Variants in IGF1R observed in about 807,000 individuals in gnomAD.
The protein encoded by IGF1R is insulin like growth factor 1 receptor, also known as insulin-like growth factor 1 receptor.
In IGF1R, 44 loss-of-function variants were observed where a neutral mutation model predicts 144.6. That is an observed-to-expected ratio of 0.30 (90% CI 0.24 to 0.39). IGF1R has a LOEUF of 0.39. Among genes scored for constraint, IGF1R ranks in the 10% least tolerant of loss-of-function variants. IGF1R has a pLI of 1.00. For missense variants in IGF1R, 1,355 were observed against 1,833.7 expected (o/e 0.74, Z 4.77); for synonymous variants, 795 against 722.8 (o/e 1.10, Z -1.60).
At position 98,960,196 on chromosome 15, in the gene IGF1R, A is replaced by C; in HGVS notation, c.*2754A>C. ...CGCCACACCCAGGTGATGCAGGGGG[A>C]AGCCAGGCTGTATTCCGGGGTCAAA... On this transcript the variant is annotated 3_prime_UTR_variant, in exon 21 of 21. Transcript: ENST00000650285. 1 of 233,552 alleles carries C rather than the reference A, an allele frequency of 4.3e-6. No homozygotes were observed. Among genetic ancestry groups the C allele is most frequent in the Non-Finnish European group, 8.5e-6 (1 of 118,026 alleles). 14.5% of individuals were successfully genotyped at this position (233,552 alleles called of 1,614,324 possible).
chr15:98,922,059 T>C (rs2015511554), intron 10 of IGF1R, 89 bp from the exon 11 acceptor site: 3 of 1,446,042 alleles, frequency 2.1e-6, no homozygotes, highest in Non-Finnish European at 2.9e-6. Context: ...TATTCCACGG[T>C]TAAGATTCTT....
At position 98,957,765 on chromosome 15, in the gene IGF1R, CCCTTTCTCT is replaced by C; in HGVS notation, c.*325_*333del. On this transcript the variant is annotated 3_prime_UTR_variant, in exon 21 of 21. Transcript: ENST00000650285. ...CTCTGTCCCTGTCCTTCCCTGTTCT[CCCTTTCTCT>C]CTCCTCTCTGCTTCATAACGGAAAA... 2.4e-6 allele frequency: 1 copy of C among 421,598 alleles called. No individual in the cohort carries two copies. The highest frequency in any genetic ancestry group is 4.1e-5 in the Admixed American group (1 of 24,684). The allele number at this position is 421,598 out of a possible 1,614,324, so 26.1% of individuals were successfully genotyped here. A position where few individuals can be genotyped will look rare whatever the true frequency, so the allele number is the denominator to read the frequency against.
intron 11 of IGF1R, among the ~76,000 whole-genome samples, chr15:98,922,780 T>A (rs958778175): frequency 6.6e-6 from 1 of 152,214 alleles, no homozygotes; most frequent in Non-Finnish European, 1.5e-5. Flanking sequence ...TCCTGAGCTC[T>A]CACATGTCCA....
Position 98,889,087 on chromosome 15 carries a change from C to T in IGF1R, c.641-2238C>T, listed in dbSNP as rs529320942. Among the ~76,000 whole-genome samples, 3 of 152,308 alleles carry T rather than the reference C, an allele frequency of 2.0e-5. No individual in the cohort carries two copies. In the South Asian group the frequency reaches 6.2e-4, roughly 32 times the overall value. ...CAGAACTTAAGTCATATGGCCACCT[C>T]TAGCTACAAGGAAGGCTGGGAGATG... is the stretch of plus-strand genomic sequence containing the variant. On this transcript the variant is annotated intron_variant, in intron 2 of 20. Coordinates refer to ENST00000650285, the MANE Select transcript of IGF1R (RefSeq NM_000875.5).
intron 2 of IGF1R, among the ~76,000 whole-genome samples, chr15:98,763,071 A>G (rs1463590324): frequency 2.0e-5 from 3 of 151,948 alleles, no homozygotes; most frequent in Non-Finnish European, 4.4e-5. Flanking sequence ...AAATTCCTCC[A>G]CAACATATAT....
intron 2 of IGF1R, among the ~76,000 whole-genome samples, chr15:98,887,802 C>G (rs557307036): frequency 1.6e-3 from 247 of 152,290 alleles, no homozygotes; most frequent in African/African-American, 5.2e-3. Flanking sequence ...CAGCCTGGTC[C>G]CTCTCTTCTT....
intron 1 of IGF1R, among the ~76,000 whole-genome samples, chr15:98,658,496 A>G (rs2141172472): frequency 6.6e-6 from 1 of 152,354 alleles, no homozygotes; most frequent in African/African-American, 2.4e-5. Context: ...AGTCAGAAAA[A>G]TTGTGAGGAA....
chr15:98,651,153 G>T (rs1011139661), intron 1 of IGF1R: 78 of 756,816 alleles, frequency 1.0e-4, no homozygotes, highest in Non-Finnish European at 1.2e-4. Context: ...GAGCCTTCAC[G>T]AGTGAGGCGG....
chr15:98,747,811 T>C (rs2054906819), intron 2 of IGF1R, among the ~76,000 whole-genome samples: 1 of 152,214 alleles, frequency 6.6e-6, no homozygotes, highest in Non-Finnish European at 1.5e-5. Context: ...TTGGTTTGAA[T>C]GTATTATAAT....
intron 2 of IGF1R, among the ~76,000 whole-genome samples, chr15:98,756,394 T>G (rs1284596533): frequency 1.3e-5 from 2 of 152,104 alleles, no homozygotes; most frequent in Non-Finnish European, 2.9e-5. Flanking sequence ...TTAAGCCTTT[T>G]CTCTGGATTT....
Position 98,961,202 on chromosome 15 carries a change from G to C in IGF1R, c.*3760G>C. Reference sequence around the variant, plus strand: ...CTTCCACACTGTAGGTGACCCCTTGGAATAACGGCCTCTCCTCTCGTGCAC... The same window carrying C: ...CTTCCACACTGTAGGTGACCCCTTGCAATAACGGCCTCTCCTCTCGTGCAC... On this transcript the variant is annotated 3_prime_UTR_variant, in exon 21 of 21. Coordinates refer to ENST00000650285, the MANE Select transcript of IGF1R (RefSeq NM_000875.5). The C allele has an allele frequency of 4.3e-6, 1 of 233,676 alleles. No individual in the cohort carries two copies. The highest frequency in any genetic ancestry group is 6.0e-5 in the East Asian group (1 of 16,576). The allele number at this position is 233,676 out of a possible 1,614,324, so 14.5% of individuals were successfully genotyped here. A position where few individuals can be genotyped will look rare whatever the true frequency, so the allele number is the denominator to read the frequency against.
chr15:98,789,752 ACT>A (rs2056087150), intron 2 of IGF1R, among the ~76,000 whole-genome samples: 1 of 152,038 alleles, frequency 6.6e-6, no homozygotes, highest in South Asian at 2.1e-4. Context: ...GTGTTCTTAA[ACT>A]CTGTGACAGT....
intron 2 of IGF1R, among the ~76,000 whole-genome samples, chr15:98,826,721 GT>G (rs1381714685): frequency 6.6e-6 from 1 of 152,172 alleles, no homozygotes. Context: ...ATATGTAAAT[GT>G]TTTAGGGAGC....
intron 2 of IGF1R, among the ~76,000 whole-genome samples, chr15:98,869,260 T>C (rs2012638388): frequency 6.6e-6 from 1 of 151,676 alleles, no homozygotes; most frequent in African/African-American, 2.4e-5. Context: ...TGTTGTCTAA[T>C]TCCAAAGAGA....
chr15:98,758,428 G>A (rs374828124), intron 2 of IGF1R, among the ~76,000 whole-genome samples: 8 of 152,074 alleles, frequency 5.3e-5, no homozygotes, highest in Non-Finnish European at 1.0e-4. Context: ...GCCCTCAGCC[G>A]TCACACAAGT....
intron 3 of IGF1R, chr15:98,893,615 C>A (rs2014036074): frequency 2.0e-5 from 3 of 152,190 alleles, no homozygotes. Context: ...GTAGCTTGTC[C>A]ATGAACTCAG....
Position 98,891,199 on chromosome 15 carries a change from G to A in IGF1R, c.641-126G>A. 1.2e-6 allele frequency: 1 copy of A among 851,984 alleles called. No individual in the cohort carries two copies. Among genetic ancestry groups the A allele is most frequent in the Non-Finnish European group, 1.9e-6 (1 of 523,528 alleles). 52.8% of individuals were successfully genotyped at this position (851,984 alleles called of 1,614,324 possible). A position where few individuals can be genotyped will look rare whatever the true frequency, so the allele number is the denominator to read the frequency against. The stretch of plus-strand genomic sequence containing the variant: ...GGATTTCGTAGTGTGTTTTTGCATT[G>A]TCTCCTCAATGAGTGATCTGGTGCT... On this transcript the variant is annotated intron_variant, in intron 2 of 20. Coordinates refer to ENST00000650285, the MANE Select transcript of IGF1R (RefSeq NM_000875.5). This position sits in a 1 kb window ranked among gnomAD's most constrained non-coding sequence, Gnocchi z 4.7.
At chr15:98,672,569 C>CAAAA (rs60559912) in intron 1 of IGF1R, among the ~76,000 whole-genome samples, 9 of 61,660 alleles carry the variant, frequency 1.5e-4, no homozygotes, top group African/African-American at 2.7e-4. Flanking sequence ...GACTCCATCT[C>CAAAA]AAAAAAAAAA....
At chr15:98,752,256 C>T (rs976475885) in intron 2 of IGF1R, among the ~76,000 whole-genome samples, 20 of 152,130 alleles carry the variant, frequency 1.3e-4, no homozygotes, top group Admixed American at 5.9e-4. Context: ...GAGCCCACAC[C>T]AGGTCATTTT....
Sources: gnomAD v4.1 joint callset for allele counts (sites outside exome capture counted in the v4.1 genomes callset) on GRCh38, gnomAD v4.1.1 for gene constraint, Gnocchi (gnomAD v3.1) non-coding constraint, MANE v1.5 for transcripts, NCBI Gene and HGNC (gene_info 2026-07-23, HGNC 2026-07-21) for gene names.